RGCC: variants seen among roughly 807,000 people sequenced by gnomAD.
RGCC encodes the protein regulator of cell cycle.
A neutral mutation model predicts 15.4 loss-of-function variants in RGCC; 15 were observed. That is an observed-to-expected ratio of 0.97 (90% CI 0.65 to 1.50). The LOEUF is 1.50. RGCC is among the 40% of genes most tolerant of loss of function. The probability of loss-of-function intolerance (pLI) is 0.00; values close to 1 mark genes in which losing one functional copy is unlikely to be tolerated. For missense variants in RGCC, 176 were observed against 189.7 expected (o/e 0.93, Z 0.42); for synonymous variants, 81 against 78.0 (o/e 1.04, Z -0.20).
intron 2 of RGCC, among the ~76,000 whole-genome samples, chr13:41,465,583 T>C (rs2043843176): frequency 6.6e-6 from 1 of 152,150 alleles, no homozygotes; most frequent in Non-Finnish European, 1.5e-5. Flanking sequence ...TAGTACTTAG[T>C]AGTTGACTGG....
chr13:41,457,729 G>C lies in RGCC; in HGVS notation c.22G>C (p.Gly8Arg). MKPPAAQ[G>R]SPAAAAAAAP... ...CCTCATGAAGCCGCCCGCGGCGCAG[G>C]GCAGCCCCGCGGCCGCCGCGGCCGC... Residue 8 changes from glycine to arginine, a missense_variant, in exon 1 of 5, where the codon GGC becomes CGC. Physicochemically the swap from Gly to Arg is moderately radical, Grantham distance 125 (BLOSUM62 -2). Transcript: ENST00000379359. This position sits in a 1 kb window ranked among gnomAD's most constrained non-coding sequence, Gnocchi z 4.9. The C allele has an allele frequency of 7.0e-7, 1 of 1,425,454 alleles. No homozygotes were observed. The highest frequency in any genetic ancestry group is 9.1e-7 in the Non-Finnish European group (1 of 1,094,554). The allele number at this position is 1,425,454 out of a possible 1,614,324, so 88.3% of individuals were successfully genotyped here.
chr13:41,460,841 A>G (rs1369829964), intron 2 of RGCC, among the ~76,000 whole-genome samples: 1 of 152,234 alleles, frequency 6.6e-6, no homozygotes, highest in African/African-American at 2.4e-5. Flanking sequence ...AATATTTTGG[A>G]TGAATATGTA....
At chr13:41,466,540 C>T (rs1028996282) in intron 2 of RGCC, among the ~76,000 whole-genome samples, 63 of 152,226 alleles carry the variant, frequency 4.1e-4, no homozygotes, top group African/African-American at 1.5e-3. Flanking sequence ...AGACACACAC[C>T]ACTATGCCTG....
intron 2 of RGCC, among the ~76,000 whole-genome samples, chr13:41,465,834 G>A (rs1049427787): frequency 6.6e-6 from 1 of 152,112 alleles, no homozygotes; most frequent in Non-Finnish European, 1.5e-5. Context: ...CAGCAAGAGA[G>A]CAAAGATCTC....
At chr13:41,466,150 C>T (rs902732105) in intron 2 of RGCC, among the ~76,000 whole-genome samples, 2 of 140,478 alleles carry the variant, frequency 1.4e-5, no homozygotes, top group African/African-American at 5.7e-5. Flanking sequence ...ACTCCACACT[C>T]ACACACGCAC....
chr13:41,466,791 A>G, intron 2 of RGCC, 32 bp from the exon 3 acceptor site: 1 of 1,407,146 alleles, frequency 7.1e-7, no homozygotes, highest in Non-Finnish European at 1.0e-6. Flanking sequence ...CATGAGTACT[A>G]TTTCTAATGA....
At chr13:41,459,201 G>T (rs1236083237) in intron 2 of RGCC, among the ~76,000 whole-genome samples, 1 of 152,190 alleles carries the variant, frequency 6.6e-6, no homozygotes, top group African/African-American at 2.4e-5. Flanking sequence ...AAAAGAGACA[G>T]CTTTTTCCAG....
In RGCC at chr13:41,458,225, G is replaced by C. The variant is rs1338433303; in HGVS notation, c.50-60G>C. 1 of 1,403,844 alleles carries C rather than the reference G, an allele frequency of 7.1e-7. No homozygotes were observed. The highest frequency in any genetic ancestry group is 9.6e-7 in the Non-Finnish European group (1 of 1,044,310). 87.0% of individuals were successfully genotyped at this position (1,403,844 alleles called of 1,614,324 possible). Reference sequence around the variant, plus strand: ...AACCGTGGCGGCCCCTCCTGGCCCTGGGAGGTGGTCCCGCTGCCCCCCTGA... The same window carrying C: ...AACCGTGGCGGCCCCTCCTGGCCCTCGGAGGTGGTCCCGCTGCCCCCCTGA... On this transcript the variant is annotated intron_variant, in intron 1 of 4. Transcript: ENST00000379359. The surrounding 1 kb of genome is among the most constrained non-coding windows in gnomAD (Gnocchi z 4.4).
At chr13:41,463,856 G>A (rs1353253717) in intron 2 of RGCC, among the ~76,000 whole-genome samples, 1 of 152,118 alleles carries the variant, frequency 6.6e-6, no homozygotes, top group Non-Finnish European at 1.5e-5. Context: ...CTTTTGTAAT[G>A]GCCTTTCCAT....
chr13:41,465,350 C>G (rs369732386), intron 2 of RGCC, among the ~76,000 whole-genome samples: 1 of 152,216 alleles, frequency 6.6e-6, no homozygotes, highest in African/African-American at 2.4e-5. Flanking sequence ...TGCTGCCTGC[C>G]TTGCCTTTGC....
intron 4 of RGCC, among the ~76,000 whole-genome samples, chr13:41,469,499 G>A (rs2043865940): frequency 6.6e-6 from 1 of 152,062 alleles, no homozygotes; most frequent in Non-Finnish European, 1.5e-5. Flanking sequence ...GGCCTGTCAG[G>A]CTTTTCAGAG....
At position 41,458,715 on chromosome 13, in the gene RGCC, G is replaced by A. The variant is rs2043806622; in HGVS notation, c.235+245G>A. Among the ~76,000 whole-genome samples the A allele has an allele frequency of 6.6e-6, 1 of 152,094 alleles. No homozygotes were observed. The highest frequency in any genetic ancestry group is 1.5e-5 in the Non-Finnish European group (1 of 68,032). On this transcript the variant is annotated intron_variant, in intron 2 of 4. Transcript: ENST00000379359. This position sits in a 1 kb window ranked among gnomAD's most constrained non-coding sequence, Gnocchi z 4.4. Reference sequence around the variant, plus strand: ...CAGGCGAGTTTAAGCAGCTTGTCCCGACTCAGCCAGACAGGACTCCCTGGA... The same window carrying A: ...CAGGCGAGTTTAAGCAGCTTGTCCCAACTCAGCCAGACAGGACTCCCTGGA...
Position 41,467,834 on chromosome 13 carries a change from G to GT in RGCC, c.343+905dup, listed in dbSNP as rs1428873353. On this transcript the variant is annotated intron_variant, in intron 3 of 4. Transcript: ENST00000379359. ...ATTCAGAGACAGAGCAGTCTAAAAAGTGGCTTAAAACGTGCTCAGATTTGT... is the reference window on the plus strand; with the variant it reads ...ATTCAGAGACAGAGCAGTCTAAAAAGTTGGCTTAAAACGTGCTCAGATTTGT... Among the ~76,000 whole-genome samples, 17 of 152,318 alleles carry GT rather than the reference G, an allele frequency of 1.1e-4. No individual in the cohort carries two copies. The South Asian group carries it at 3.5e-3, about 32-fold the overall frequency.
intron 3 of RGCC, 87 bp downstream of exon 3, chr13:41,467,017 C>A: frequency 1.2e-6 from 1 of 829,530 alleles, no homozygotes; most frequent in Non-Finnish European, 2.1e-6. Context: ...TATCCCTAAA[C>A]AATCTTTCTC....
intron 2 of RGCC, among the ~76,000 whole-genome samples, chr13:41,463,242 G>C (rs1328682166): frequency 2.0e-5 from 3 of 152,084 alleles, no homozygotes; most frequent in Admixed American, 6.6e-5. Context: ...TTGGGGCCTT[G>C]AGGGCTCTCT....
At position 41,470,497 on chromosome 13, in the gene RGCC, C is replaced by A; in HGVS notation, c.*12C>A. 6.2e-7 allele frequency: 1 copy of A among 1,613,580 alleles called. No homozygotes were observed. Among genetic ancestry groups the A allele is most frequent in the Non-Finnish European group, 8.5e-7 (1 of 1,179,554 alleles). ...TTACAGGTATGTGAAACAAGAAGTT[C>A]TGGGTCCTTTCATCATAAGGGAGAA... is the stretch of plus-strand genomic sequence containing the variant. On this transcript the variant is annotated 3_prime_UTR_variant, in exon 5 of 5. Transcript: ENST00000379359.
Position 41,458,202 on chromosome 13 carries a change from C to A in RGCC, c.50-83C>A. 1 of 1,172,508 alleles carries A rather than the reference C, an allele frequency of 8.5e-7. No homozygotes were observed. The highest frequency in any genetic ancestry group is 1.2e-6 in the Non-Finnish European group (1 of 851,744). 72.6% of individuals were successfully genotyped at this position (1,172,508 alleles called of 1,614,324 possible). A position where few individuals can be genotyped will look rare whatever the true frequency, so the allele number is the denominator to read the frequency against. ...GCCAAGTGTCAGTTATCTTCGGGAA[C>A]CGTGGCGGCCCCTCCTGGCCCTGGG... On this transcript the variant is annotated intron_variant, in intron 1 of 4. Coordinates refer to ENST00000379359, the MANE Select transcript of RGCC (RefSeq NM_014059.3). The surrounding 1 kb of genome is among the most constrained non-coding windows in gnomAD (Gnocchi z 4.4).
At chr13:41,468,271 G>A (rs765438964) in intron 3 of RGCC, among the ~76,000 whole-genome samples, 2 of 152,226 alleles carry the variant, frequency 1.3e-5, no homozygotes, top group African/African-American at 4.8e-5. Context: ...AAGCAAGAAT[G>A]CATCAGAAGG....
chr13:41,470,506 T>G lies in RGCC; in HGVS notation c.*21T>G, dbSNP rs758057314. The G allele has an allele frequency of 3.1e-6, 5 of 1,613,032 alleles. No individual in the cohort carries two copies. In the Admixed American group the frequency reaches 8.3e-5, roughly 27 times the overall value. On this transcript the variant is annotated 3_prime_UTR_variant, in exon 5 of 5. Coordinates refer to ENST00000379359, the MANE Select transcript of RGCC (RefSeq NM_014059.3). Reference sequence around the variant, plus strand: ...TGTGAAACAAGAAGTTCTGGGTCCTTTCATCATAAGGGAGAAGCTTCAGAA... The same window carrying G: ...TGTGAAACAAGAAGTTCTGGGTCCTGTCATCATAAGGGAGAAGCTTCAGAA...
Sources: allele counts gnomAD v4.1 joint callset (sites outside exome capture counted in the v4.1 genomes callset), GRCh38; gene constraint gnomAD v4.1.1; non-coding constraint Gnocchi (gnomAD v3.1); transcripts MANE v1.5; gene names NCBI Gene and HGNC (gene_info 2026-07-23, HGNC 2026-07-21).